The following DLG2 variants were observed in gnomAD, a reference collection of about 807,000 sequenced individuals.
DLG2 encodes discs large MAGUK scaffold protein 2.
A neutral mutation model predicts 132.5 loss-of-function variants in DLG2; 45 were observed. The observed-to-expected ratio is 0.34, with a 90% CI of 0.27 to 0.44. DLG2 has a LOEUF of 0.44. DLG2 is among the 20% of genes least tolerant of loss of function. The pLI is 1.00. For synonymous variants in DLG2, 424 were observed against 419.6 expected, an observed-to-expected ratio of 1.01 and a Z score of -0.13; for missense variants, 1,045 against 1,196.9, an observed-to-expected ratio of 0.87 and a Z score of 1.87.
intron 8 of DLG2, among the ~76,000 whole-genome samples, chr11:84,171,708 C>A (rs564672070): frequency 3.0e-4 from 45 of 152,094 alleles, no homozygotes; most frequent in African/African-American, 1.1e-3. Flanking sequence ...CTTTTTGATA[C>A]GATGATTTAT....
At chr11:84,640,713 G>C (rs939157464) in intron 6 of DLG2, 3 of 172,636 alleles carry the variant, frequency 1.7e-5, no homozygotes, top group African/African-American at 7.2e-5. Context: ...AGGCCAAGGC[G>C]TGACGATCAT....
chr11:83,704,888 A>C (rs1725721091), intron 18 of DLG2, among the ~76,000 whole-genome samples: 2 of 152,162 alleles, frequency 1.3e-5, no homozygotes, highest in Admixed American at 1.3e-4. Flanking sequence ...AAAGTCACTG[A>C]AATATTAAGT....
chr11:83,722,021 A>G (rs2088721557), intron 18 of DLG2, among the ~76,000 whole-genome samples: 3 of 152,246 alleles, frequency 2.0e-5, no homozygotes, highest in Non-Finnish European at 4.4e-5. Context: ...TATGACTGAC[A>G]AGAAGAAAAA....
chr11:84,220,745 A>G (rs886339913), intron 8 of DLG2, among the ~76,000 whole-genome samples: 1 of 151,736 alleles, frequency 6.6e-6, no homozygotes, highest in Non-Finnish European at 1.5e-5. Context: ...TAAGAGCTTA[A>G]AAAGTGTCAC....
intron 4 of DLG2, among the ~76,000 whole-genome samples, chr11:85,283,113 A>T (rs1043645056): frequency 6.6e-5 from 10 of 152,024 alleles, no homozygotes. Flanking sequence ...GAGGGAAAGG[A>T]TCAGAAAAAA....
chr11:84,920,892 G>T (rs1257407491), intron 6 of DLG2, among the ~76,000 whole-genome samples: 1 of 151,946 alleles, frequency 6.6e-6, no homozygotes, highest in Non-Finnish European at 1.5e-5. Context: ...TCTATTGTGT[G>T]CAGAGAAAAA....
intron 18 of DLG2, among the ~76,000 whole-genome samples, chr11:83,736,400 G>A (rs542814817): frequency 6.6e-6 from 1 of 151,976 alleles, no homozygotes; most frequent in East Asian, 1.9e-4. Context: ...GACCAAGTTA[G>A]GGCAACTTTA....
intron 3 of DLG2, among the ~76,000 whole-genome samples, chr11:85,487,846 G>T (rs1565570260): frequency 6.6e-6 from 1 of 152,164 alleles, no homozygotes; most frequent in Non-Finnish European, 1.5e-5. Flanking sequence ...AGAAGATTTT[G>T]CCATGGCACA....
intron 7 of DLG2, among the ~76,000 whole-genome samples, chr11:84,404,370 T>C (rs1266905132): frequency 2.0e-5 from 3 of 152,176 alleles, no homozygotes; most frequent in African/African-American, 7.2e-5. Flanking sequence ...TCGACTCAAA[T>C]ACTACCTCTT....
intron 18 of DLG2, among the ~76,000 whole-genome samples, chr11:83,684,021 C>T (rs2079275985): frequency 6.6e-6 from 1 of 152,082 alleles, no homozygotes; most frequent in Non-Finnish European, 1.5e-5. Context: ...CACTGTGAGA[C>T]CATCTTGGCT....
intron 18 of DLG2, among the ~76,000 whole-genome samples, chr11:83,690,458 C>T (rs1347244093): frequency 6.6e-6 from 1 of 151,718 alleles, no homozygotes; most frequent in Non-Finnish European, 1.5e-5. Context: ...GTTAAACAAC[C>T]TAAATGTAAT....
At position 83,794,368 on chromosome 11, in the gene DLG2, C is replaced by CG. The variant is rs530124941; in HGVS notation, c.1723-7577_1723-7576insC. Among the ~76,000 whole-genome samples, 25 of 151,270 alleles carry CG rather than the reference C, an allele frequency of 1.7e-4. 1 individual carries two copies. Among genetic ancestry groups the CG allele is most frequent in the Non-Finnish European group, 1.0e-4 (7 of 67,866 alleles). ...TGAACAAATAACATTTTCAAGTATT[C>CG]ACAGTTTACATCATTGATATGACAT... On this transcript the variant is annotated intron_variant, in intron 17 of 27. Transcript: ENST00000376104.
chr11:84,182,755 A>C (rs1278375943), intron 8 of DLG2, among the ~76,000 whole-genome samples: 1 of 152,172 alleles, frequency 6.6e-6, no homozygotes, highest in East Asian at 1.9e-4. Context: ...AAGTTAGAGA[A>C]GATCAAGAAA....
chr11:83,514,988 C>A (rs1407080213), intron 21 of DLG2, among the ~76,000 whole-genome samples: 4 of 152,054 alleles, frequency 2.6e-5, no homozygotes, highest in Non-Finnish European at 5.9e-5. Context: ...CTAAAATTCT[C>A]TTTTTTTGTT....
intron 6 of DLG2, among the ~76,000 whole-genome samples, chr11:84,837,258 G>T (rs995851248): frequency 2.0e-5 from 3 of 151,836 alleles, no homozygotes; most frequent in Non-Finnish European, 4.4e-5. Flanking sequence ...TAGGTTCCCA[G>T]AATTTCACCT....
chr11:85,457,874 T>G (rs1206474173), intron 3 of DLG2, among the ~76,000 whole-genome samples: 5 of 152,164 alleles, frequency 3.3e-5, no homozygotes. Flanking sequence ...CATTTTTTCT[T>G]TCATTTCAAT....
intron 21 of DLG2, among the ~76,000 whole-genome samples, chr11:83,515,013 C>T (rs1201333043): frequency 6.6e-6 from 1 of 152,062 alleles, no homozygotes; most frequent in Non-Finnish European, 1.5e-5. Flanking sequence ...CTCTGCCCAG[C>T]TTTGGTATCA....
At chr11:83,753,229 C>G (rs902594078) in intron 18 of DLG2, among the ~76,000 whole-genome samples, 2 of 151,940 alleles carry the variant, frequency 1.3e-5, no homozygotes, top group South Asian at 4.2e-4. Flanking sequence ...TTGAGACCAG[C>G]CTGGCCAACA....
intron 4 of DLG2, among the ~76,000 whole-genome samples, chr11:85,261,852 TG>T (rs528163610): frequency 1.5e-4 from 23 of 152,156 alleles, no homozygotes; most frequent in African/African-American, 4.8e-4. Context: ...ACATCAAGGT[TG>T]GGCTATCAGG....
Sources: allele counts gnomAD v4.1 joint callset (sites outside exome capture counted in the v4.1 genomes callset), GRCh38; gene constraint gnomAD v4.1.1; transcripts MANE v1.5; gene names NCBI Gene and HGNC (gene_info 2026-07-23, HGNC 2026-07-21).